The following SMAD7 variants were observed in gnomAD, a reference collection of about 807,000 sequenced individuals.
SMAD7 encodes the protein MAD (mothers against decapentaplegic, Drosophila) homolog 7.
SMAD7 carries 8 observed loss-of-function variants against 38.7 expected under a neutral mutation model. That is an observed-to-expected ratio of 0.21 (90% CI 0.12 to 0.37). The LOEUF (loss-of-function observed/expected upper bound fraction) is 0.37, where lower values mean the gene tolerates loss of function less well. Ranked by LOEUF, SMAD7 falls within the 10% of genes least tolerant of loss-of-function variation. The probability of loss-of-function intolerance (pLI) is 1.00; values close to 1 mark genes in which losing one functional copy is unlikely to be tolerated. For synonymous variants in SMAD7, 327 were observed against 265.1 expected, an observed-to-expected ratio of 1.23 and a Z score of -2.27; for missense variants, 477 against 577.9, an observed-to-expected ratio of 0.83 and a Z score of 1.79.
At chr18:48,938,426 T>C (rs909146609) in intron 3 of SMAD7, among the ~76,000 whole-genome samples, 2 of 152,216 alleles carry the variant, frequency 1.3e-5, no homozygotes, top group African/African-American at 2.4e-5. Context: ...TGAGCACTTC[T>C]GTCTCCACTG....
intron 3 of SMAD7, among the ~76,000 whole-genome samples, chr18:48,930,718 C>G (rs1568300092): frequency 7.5e-4 from 35 of 46,906 alleles, no homozygotes; most frequent in Non-Finnish European, 1.8e-3. Context: ...TCGGTGTGTG[C>G]CGACACATGA....
chr18:48,945,104 G>C (rs2070181650), intron 2 of SMAD7, among the ~76,000 whole-genome samples: 1 of 152,166 alleles, frequency 6.6e-6, no homozygotes, highest in Non-Finnish European at 1.5e-5. Flanking sequence ...TGTACCCCAA[G>C]GGTCCCAGCT....
At chr18:48,936,726 AAAG>A (rs1465748229) in intron 3 of SMAD7, among the ~76,000 whole-genome samples, 2 of 152,156 alleles carry the variant, frequency 1.3e-5, no homozygotes, top group South Asian at 4.1e-4. Flanking sequence ...CGAAGGAAGT[AAAG>A]ACCAGCCTGG....
At chr18:48,934,788 C>T (rs1187869411) in intron 3 of SMAD7, among the ~76,000 whole-genome samples, 2 of 151,428 alleles carry the variant, frequency 1.3e-5, no homozygotes, top group Admixed American at 1.3e-4. Context: ...AAAAAAAACA[C>T]AAAACAGAAA....
At chr18:48,934,358 G>A (rs577484458) in intron 3 of SMAD7, among the ~76,000 whole-genome samples, 1 of 152,224 alleles carries the variant, frequency 6.6e-6, no homozygotes, top group Admixed American at 6.5e-5. Flanking sequence ...CTGAGTTCCC[G>A]GCGGCTAAGT....
chr18:48,925,090 G>C (rs1445287128), intron 3 of SMAD7, among the ~76,000 whole-genome samples: 2 of 152,200 alleles, frequency 1.3e-5, no homozygotes, highest in East Asian at 1.9e-4. Context: ...ACGTGTCGAG[G>C]GGCTGGGAAG....
At chr18:48,928,680 G>T (rs2069957251) in intron 3 of SMAD7, among the ~76,000 whole-genome samples, 1 of 152,012 alleles carries the variant, frequency 6.6e-6, no homozygotes, top group Non-Finnish European at 1.5e-5. Context: ...ACTAATTAGT[G>T]ACTGTGTCCT....
chr18:48,938,458 A>G (rs964435076), intron 3 of SMAD7, among the ~76,000 whole-genome samples: 1 of 152,174 alleles, frequency 6.6e-6, no homozygotes, highest in Admixed American at 6.5e-5. Flanking sequence ...CCTCCTTGAG[A>G]TCCATGGGAG....
chr18:48,931,057 G>A lies in SMAD7; in HGVS notation c.743-9147C>T, dbSNP rs574078103. ...GGCATTATGTTAAGTGAAATAAGCC[G>A]ATCACAAAAGGACAAACACTGTCTG... On this transcript the variant is annotated intron_variant, in intron 3 of 3. Transcript: ENST00000262158. 1.1e-4 allele frequency among the ~76,000 whole-genome samples: 17 copies of A among 152,280 alleles called. No homozygotes were observed. In the South Asian group the frequency reaches 1.7e-3, roughly 15 times the overall value.
chr18:48,929,569 T>TCTCTCTCTCACACACA lies in SMAD7; in HGVS notation c.743-7660_743-7659insTGTGTGTGAGAGAGAG, dbSNP rs3082710. ...CTCTCTTTCTCTCTCTCTCTCTCTC[T>TCTCTCTCTCACACACA]CACTCACACACACACACACACACAC... On this transcript the variant is annotated intron_variant, in intron 3 of 3. Coordinates refer to ENST00000262158, the MANE Select transcript of SMAD7 (RefSeq NM_005904.4). Among the ~76,000 whole-genome samples, 13 of 114,626 alleles carry TCTCTCTCTCACACACA rather than the reference T, an allele frequency of 1.1e-4. No homozygotes were observed. The East Asian group carries it at 1.6e-3, about 14-fold the overall frequency. 75.2% of individuals were successfully genotyped at this position (114,626 alleles called of 152,430 possible).
At chr18:48,941,022 A>G (rs1235224398) in intron 3 of SMAD7, among the ~76,000 whole-genome samples, 8 of 152,108 alleles carry the variant, frequency 5.3e-5, no homozygotes, top group African/African-American at 1.4e-4. Flanking sequence ...TGTGGTTTGG[A>G]GGGGCCGGGG....
chr18:48,921,265 G>T lies in SMAD7; in HGVS notation c.*107C>A. ...ACCAACCAACAAACAAAAAAAAAAC[G>T]ACCAAAGAGTTTGCATGAAAAGCAA... is the stretch of plus-strand genomic sequence containing the variant. On this transcript the variant is annotated 3_prime_UTR_variant, in exon 4 of 4. Coordinates refer to ENST00000262158, the MANE Select transcript of SMAD7 (RefSeq NM_005904.4). This position sits in a 1 kb window ranked among gnomAD's most constrained non-coding sequence, Gnocchi z 6.4. The T allele has an allele frequency of 1.0e-6, 1 of 972,542 alleles. No individual in the cohort carries two copies. Among genetic ancestry groups the T allele is most frequent in the Non-Finnish European group, 1.5e-6 (1 of 668,120 alleles). The allele number at this position is 972,542 out of a possible 1,614,324, so 60.2% of individuals were successfully genotyped here.
chr18:48,922,201 T>G (rs1327778840), intron 3 of SMAD7, among the ~76,000 whole-genome samples: 3 of 152,184 alleles, frequency 2.0e-5, no homozygotes, highest in Non-Finnish European at 2.9e-5. Context: ...CAAAGCCTCT[T>G]CTCTGCAGAG....
intron 2 of SMAD7, among the ~76,000 whole-genome samples, chr18:48,947,896 C>T (rs1005749076): frequency 6.9e-6 from 1 of 145,302 alleles, no homozygotes; most frequent in Admixed American, 6.8e-5. Flanking sequence ...GAACCTACCC[C>T]CCCCCCCCTT....
In SMAD7 at chr18:48,946,430, C is replaced by CGGGGGGG. The variant is rs74174734; in HGVS notation, c.667+1947_667+1953dup. On this transcript the variant is annotated intron_variant, in intron 2 of 3. Transcript: ENST00000262158. ...ACCAGCCCCAGACCTGTGAGGGGGG[C>CGGGGGGG]GGGGGGGGTGTGCTCCAGCTCCAGA... 1.7e-3 allele frequency among the ~76,000 whole-genome samples: 253 copies of CGGGGGGG among 145,692 alleles called. 1 individual carries two copies. Among genetic ancestry groups the CGGGGGGG allele is most frequent in the Middle Eastern group, 3.5e-3 (1 of 282 alleles).
intron 3 of SMAD7, among the ~76,000 whole-genome samples, chr18:48,941,240 C>T (rs1281276786): frequency 1.3e-5 from 2 of 152,156 alleles, no homozygotes; most frequent in Non-Finnish European, 2.9e-5. Context: ...TGCCTGAAGC[C>T]CCCTCCCTTC....
chr18:48,920,142 A>AG lies in SMAD7; in HGVS notation c.*1229dup, dbSNP rs1289483893. 1 of 152,452 alleles carries AG rather than the reference A, an allele frequency of 6.6e-6. No individual in the cohort carries two copies. The highest frequency in any genetic ancestry group is 2.4e-5 in the African/African-American group (1 of 41,404). 9.4% of individuals were successfully genotyped at this position (152,452 alleles called of 1,614,324 possible). ...TACATTTTTTTCTTTAATAAATCTC[A>AG]GGTTTTTTTTCAGGAGTCCTTTCTC... On this transcript the variant is annotated 3_prime_UTR_variant, in exon 4 of 4. Coordinates refer to ENST00000262158, the MANE Select transcript of SMAD7 (RefSeq NM_005904.4).
chr18:48,921,329 A>G lies in SMAD7; in HGVS notation c.*43T>C, dbSNP rs200839822. 6.4e-4 allele frequency: 977 copies of G among 1,532,890 alleles called. 5 individuals carry two copies. The highest frequency in any genetic ancestry group is 2.9e-3 in the Middle Eastern group (14 of 4,864). 95.0% of individuals were successfully genotyped at this position (1,532,890 alleles called of 1,614,324 possible). A position where few individuals can be genotyped will look rare whatever the true frequency, so the allele number is the denominator to read the frequency against. The stretch of plus-strand genomic sequence containing the variant: ...AAATATTAGCAGCAAAGTAGTTTGA[A>G]GTGTGGCCTGCTCAGCTCACGCTCT... On this transcript the variant is annotated 3_prime_UTR_variant, in exon 4 of 4. Transcript: ENST00000262158. This position sits in a 1 kb window ranked among gnomAD's most constrained non-coding sequence, Gnocchi z 6.4.
In SMAD7 at chr18:48,950,080, C is replaced by A; in HGVS notation, c.345G>T (p.Val115=). The A allele has an allele frequency of 6.8e-7, 1 of 1,460,376 alleles. No individual in the cohort carries two copies. Among genetic ancestry groups the A allele is most frequent in the East Asian group, 3.0e-5 (1 of 33,178 alleles). 90.5% of individuals were successfully genotyped at this position (1,460,376 alleles called of 1,614,324 possible). A position where few individuals can be genotyped will look rare whatever the true frequency, so the allele number is the denominator to read the frequency against. Residue 115 remains valine, a synonymous_variant, in exon 1 of 4, where the codon GTG becomes GTT. Transcript: ENST00000262158. Reference sequence around the variant, plus strand: ...CGGTGCGCGTCCCGCCGCGGGACTCCACGGCCTGGAGCAGCAGCTCCAGCT... The same window carrying A: ...CGGTGCGCGTCCCGCCGCGGGACTCAACGGCCTGGAGCAGCAGCTCCAGCT... ...ERQLELLLQA[V]ESRGGTRTAC...
Sources: allele counts gnomAD v4.1 joint callset (sites outside exome capture counted in the v4.1 genomes callset), GRCh38; gene constraint gnomAD v4.1.1; non-coding constraint Gnocchi (gnomAD v3.1); transcripts MANE v1.5; gene names NCBI Gene and HGNC (gene_info 2026-07-23, HGNC 2026-07-21).